The following LHX1 variants were observed in gnomAD, a reference collection of about 807,000 sequenced individuals.
LHX1 encodes the protein LIM/homeobox protein Lhx1.
In LHX1, 9 loss-of-function variants were observed where a neutral mutation model predicts 34.1. That is an observed-to-expected ratio of 0.26 (90% CI 0.16 to 0.46). The LOEUF is 0.46. Among genes scored for constraint, LHX1 ranks in the 20% least tolerant of loss-of-function variants. The pLI is 1.00. For synonymous variants in LHX1, 254 were observed against 241.5 expected (o/e 1.05, Z -0.48); for missense variants, 446 against 559.1 (o/e 0.80, Z 2.04).
In LHX1 at chr17:36,938,376, T is replaced by C. The variant is rs141788901; in HGVS notation, c.170+9T>C. The C allele has an allele frequency of 3.1e-6, 5 of 1,613,808 alleles. No homozygotes were observed. Among genetic ancestry groups the C allele is most frequent in the Non-Finnish European group, 4.2e-6 (5 of 1,179,714 alleles). The stretch of plus-strand genomic sequence containing the variant: ...AAGAACGACTTCTTCCGGTGAGTAC[T>C]TTCCTCCCACGCCTCTGCTGCTACC... On this transcript the variant is annotated intron_variant, in intron 1 of 4. Transcript: ENST00000614239.
At chr17:36,940,074 G>C in intron 1 of LHX1, 2 of 603,660 alleles carry the variant, frequency 3.3e-6, no homozygotes, top group Non-Finnish European at 2.9e-6. Flanking sequence ...CCCTGGTGCC[G>C]CGCTCTCTCT....
At chr17:36,939,653 G>T (rs2070751259) in intron 1 of LHX1, among the ~76,000 whole-genome samples, 1 of 152,190 alleles carries the variant, frequency 6.6e-6, no homozygotes, top group Non-Finnish European at 1.5e-5. Flanking sequence ...GCGGCAGAGC[G>T]CCCAGAGCCA....
chr17:36,938,738 G>T, intron 1 of LHX1: 1 of 396,444 alleles, frequency 2.5e-6, no homozygotes, highest in Non-Finnish European at 4.8e-6. Context: ...AGGCCTTCGG[G>T]GTTGTTTGCC....
chr17:36,942,229 G>A lies in LHX1; in HGVS notation c.705G>A (p.Glu235=), dbSNP rs1279474965. The change falls in exon 4 of 5, where the codon GAG becomes GAA. Residue 235 remains glutamate (E), a synonymous_variant. Coordinates refer to ENST00000614239, the MANE Select transcript of LHX1 (RefSeq NM_005568.5). ...QVWFQNRRSK[E]RRMKQLSALG... ...GGTTCCAGAACCGGCGCTCCAAGGA[G>A]CGGAGGATGAAGCAGCTGAGCGCCC... 1 of 1,600,960 alleles carries A rather than the reference G, an allele frequency of 6.2e-7. No homozygotes were observed. The highest frequency in any genetic ancestry group is 1.1e-5 in the South Asian group (1 of 89,330).
Position 36,938,365 on chromosome 17 carries a change from C to T in LHX1, c.168C>T (p.Phe56=). 1.2e-6 allele frequency: 2 copies of T among 1,614,076 alleles called. No homozygotes were observed. Among genetic ancestry groups the T allele is most frequent in the Non-Finnish European group, 1.7e-6 (2 of 1,179,914 alleles). ...AACTCTACTGCAAGAACGACTTCTT[C>T]CGGTGAGTACTTTCCTCCCACGCCT... ...EGKLYCKNDF[F]RCFGTKCAGC... Residue 56 remains phenylalanine (F), a splice_region_variant and synonymous_variant, in exon 1 of 5, where the codon TTC becomes TTT. Transcript: ENST00000614239.
At chr17:36,938,972 C>A (rs972638107) in intron 1 of LHX1, among the ~76,000 whole-genome samples, 1 of 152,252 alleles carries the variant, frequency 6.6e-6, no homozygotes, top group African/African-American at 2.4e-5. Context: ...CTGTAGCCTG[C>A]GAAGTGCCCG....
At position 36,942,820 on chromosome 17, in the gene LHX1, C is replaced by A; in HGVS notation, c.910C>A (p.Gln304Lys). The A allele has an allele frequency of 1.3e-6, 2 of 1,561,250 alleles. No homozygotes were observed. The highest frequency in any genetic ancestry group is 2.3e-5 in the South Asian group (2 of 85,826). Residue 304 changes from glutamine to lysine, a missense_variant, in exon 5 of 5, where the codon CAG becomes AAG. Physicochemically the swap from Gln to Lys is moderately conservative, Grantham distance 53. Around this residue, in one of 3 missense-constraint regions of LHX1, gnomAD observed 235 missense variants for 224.4 expected, o/e 1.05. Coordinates refer to ENST00000614239, the MANE Select transcript of LHX1 (RefSeq NM_005568.5). ...CTTCCCGCAAGGCCCCCCGTCCTCG[C>A]AGGCCCAGACACCAGTGGACCTACC... The part of the protein sequence containing the change: ...DFFPQGPPSS[Q>K]AQTPVDLPFV...
upstream of LHX1, chr17:36,937,226 A>G (rs1453175620): frequency 1.8e-5 from 8 of 453,006 alleles, no homozygotes; most frequent in Non-Finnish European, 3.5e-5. Flanking sequence ...GACTGGAGCC[A>G]CGATGCACGG....
At position 36,941,214 on chromosome 17, in the gene LHX1, G is replaced by A. The variant is rs952128307; in HGVS notation, c.675+327G>A. Reference sequence around the variant, plus strand: ...TTCTGCACATACCCCACCCCACCTCGGGTTCGGAAGGGTCAGAGAAGTCTC... The same window carrying A: ...TTCTGCACATACCCCACCCCACCTCAGGTTCGGAAGGGTCAGAGAAGTCTC... On this transcript the variant is annotated intron_variant, in intron 3 of 4. Coordinates refer to ENST00000614239, the MANE Select transcript of LHX1 (RefSeq NM_005568.5). 19 of 605,854 alleles carry A rather than the reference G, an allele frequency of 3.1e-5. No individual in the cohort carries two copies. In the Admixed American group the frequency reaches 4.1e-4, roughly 13 times the overall value. The allele number at this position is 605,854 out of a possible 1,614,324, so 37.5% of individuals were successfully genotyped here. A position where few individuals can be genotyped will look rare whatever the true frequency, so the allele number is the denominator to read the frequency against.
chr17:36,940,995 T>C (rs764775684), intron 3 of LHX1, 108 bp downstream of exon 3: 5 of 1,503,846 alleles, frequency 3.3e-6, no homozygotes, highest in South Asian at 2.4e-5. Flanking sequence ...AGAGATGGAG[T>C]CCAGAGGTGG....
upstream of LHX1, chr17:36,936,875 G>A (rs1597686418): frequency 4.9e-6 from 1 of 203,678 alleles, no homozygotes; most frequent in South Asian, 4.9e-5. Context: ...TGAGGGACGC[G>A]CCCGGGGAGG....
intron 1 of LHX1, among the ~76,000 whole-genome samples, chr17:36,939,468 T>A (rs2070750245): frequency 6.6e-6 from 1 of 152,192 alleles, no homozygotes; most frequent in African/African-American, 2.4e-5. Context: ...TTGGGTTGCG[T>A]GGAACCATGA....
chr17:36,943,059 G>A lies in LHX1; in HGVS notation c.1149G>A (p.Ser383=), dbSNP rs373405460. 361 of 1,607,418 alleles carry A rather than the reference G, an allele frequency of 2.2e-4. No individual in the cohort carries two copies. The highest frequency in any genetic ancestry group is 2.6e-4 in the Non-Finnish European group (309 of 1,175,848). ...FGPSPPFSSL[S]VNGGASYGNH... is the part of the protein sequence containing the mutation. Reference sequence around the variant, plus strand: ...CCAGCCCGCCCTTCTCGTCGCTGTCGGTCAACGGTGGGGCGAGCTACGGAA... The same window carrying A: ...CCAGCCCGCCCTTCTCGTCGCTGTCAGTCAACGGTGGGGCGAGCTACGGAA... The change falls in exon 5 of 5, where the codon TCG becomes TCA. Residue 383 remains serine, a synonymous_variant. Transcript: ENST00000614239.
chr17:36,938,191 A>G lies in LHX1; in HGVS notation c.-7A>G, dbSNP rs750139931. The G allele has an allele frequency of 2.4e-5, 39 of 1,613,180 alleles. No homozygotes were observed. Among genetic ancestry groups the G allele is most frequent in the Non-Finnish European group, 2.7e-5 (32 of 1,179,994 alleles). On this transcript the variant is annotated 5_prime_UTR_variant, in exon 1 of 5. Transcript: ENST00000614239. ...TCTCTGGGCCTCATCAGACCAAACC[A>G]AAGACCATGGTTCACTGTGCCGGCT...
In LHX1 at chr17:36,940,383, C is replaced by T. The variant is rs752625685; in HGVS notation, c.264C>T (p.Cys88=). The change falls in exon 2 of 5, where the codon TGC becomes TGT. Residue 88 remains cysteine (C), a synonymous_variant. Transcript: ENST00000614239. ...RARSKVFHLN[C]FTCMMCNKQL... ...GGAGCAAAGTGTTTCACCTGAACTGCTTCACCTGCATGATGTGTAACAAGC... is the reference window on the plus strand; with the variant it reads ...GGAGCAAAGTGTTTCACCTGAACTGTTTCACCTGCATGATGTGTAACAAGC... 6.2e-7 allele frequency: 1 copy of T among 1,613,728 alleles called. No individual in the cohort carries two copies. The highest frequency in any genetic ancestry group is 8.5e-7 in the Non-Finnish European group (1 of 1,179,956).
chr17:36,940,110 C>T (rs1340575004), intron 1 of LHX1, 180 bp from the exon 2 acceptor site: 5 of 619,154 alleles, frequency 8.1e-6, no homozygotes, highest in East Asian at 2.7e-5. Context: ...CCTGCTTAAC[C>T]GGAATTCTGC....
chr17:36,942,625 TC>T, intron 4 of LHX1, 126 bp from the exon 5 acceptor site: 1 of 1,123,214 alleles, frequency 8.9e-7, no homozygotes. Context: ...CCGCGAGGGC[TC>T]CCCGCGATCC....
In LHX1 at chr17:36,943,706, A is replaced by C. The variant is rs554784114; in HGVS notation, c.*575A>C. On this transcript the variant is annotated 3_prime_UTR_variant, in exon 5 of 5. Transcript: ENST00000614239. The stretch of plus-strand genomic sequence containing the variant: ...CCGTGCATCAGGTGGGACTATATAT[A>C]TATTTTTTGTCTATCTGGATTTTTG... 2 of 152,212 alleles carry C rather than the reference A, an allele frequency of 1.3e-5. No homozygotes were observed. The highest frequency in any genetic ancestry group is 2.9e-5 in the Non-Finnish European group (2 of 68,048). 9.4% of individuals were successfully genotyped at this position (152,212 alleles called of 1,614,324 possible).
upstream of LHX1, chr17:36,936,979 T>G: frequency 8.0e-6 from 2 of 250,168 alleles, no homozygotes; most frequent in Non-Finnish European, 8.0e-6. Context: ...GCCAGGACAT[T>G]TTTTTTTAAA....
Sources: gnomAD v4.1 joint callset for allele counts (sites outside exome capture counted in the v4.1 genomes callset) on GRCh38, gnomAD v4.1.1 for gene constraint, gnomAD v4.1.1 regional missense constraint, MANE v1.5 for transcripts, NCBI Gene and HGNC (gene_info 2026-07-23, HGNC 2026-07-21) for gene names.